POLA2: variants seen among roughly 807,000 people sequenced by gnomAD.
The protein encoded by POLA2 is DNA polymerase alpha subunit B.
POLA2 carries 47 observed loss-of-function variants against 82.8 expected under a neutral mutation model. That is an observed-to-expected ratio of 0.57 (90% confidence interval 0.45 to 0.72). POLA2 has a LOEUF of 0.72. Ranked by LOEUF, POLA2 falls within the 30% of genes least tolerant of loss-of-function variation. The probability of loss-of-function intolerance (pLI) is 0.00; values close to 1 mark genes in which losing one functional copy is unlikely to be tolerated. For missense variants in POLA2, 634 were observed against 728.1 expected (o/e 0.87, Z 1.49); for synonymous variants, 287 against 286.8 (o/e 1.00, Z -0.01).
At chr11:65,305,565 G>A (rs1433365048) in exon 9 of POLA2, 2 of 365,980 alleles carry the variant, frequency 5.5e-6, no homozygotes, top group South Asian at 2.0e-5. Context: ...TCCCAGCCAC[G>A]CAGGAGGCCA....
chr11:65,264,957 G>C (rs1373158972), intron 1 of POLA2, among the ~76,000 whole-genome samples: 2 of 152,218 alleles, frequency 1.3e-5, no homozygotes, highest in African/African-American at 4.8e-5. Context: ...TCGGCCGGGT[G>C]CGGTGGCTCA....
At chr11:65,280,687 G>A (rs1469101078) in intron 7 of POLA2, 1 of 359,258 alleles carries the variant, frequency 2.8e-6, no homozygotes, top group African/African-American at 2.1e-5. Flanking sequence ...GCTGCCCTGG[G>A]GTGGTGAGGA....
intron 9 of POLA2, 28 bp from the exon 10 acceptor site, chr11:65,282,451 C>G: frequency 6.2e-7 from 1 of 1,610,560 alleles, no homozygotes; most frequent in Non-Finnish European, 8.5e-7. Flanking sequence ...GGCGCAAGAC[C>G]TTACTTGAGC....
At chr11:65,288,668 G>A (rs748104804) in intron 11 of POLA2, among the ~76,000 whole-genome samples, 1 of 151,892 alleles carries the variant, frequency 6.6e-6, no homozygotes, top group South Asian at 2.1e-4. Flanking sequence ...ACAGGCACAC[G>A]CCACCATGCC....
chr11:65,279,509 A>C, intron 6 of POLA2, 29 bp from the exon 7 acceptor site: 1 of 1,434,288 alleles, frequency 7.0e-7, no homozygotes, highest in Non-Finnish European at 9.7e-7. Flanking sequence ...TCTTAAACAT[A>C]ATACTTTTTT....
chr11:65,275,911 T>A lies in POLA2; in HGVS notation c.374T>A (p.Ile125Asn). 1 of 1,607,372 alleles carries A rather than the reference T, an allele frequency of 6.2e-7. No individual in the cohort carries two copies. Among genetic ancestry groups the A allele is most frequent in the Non-Finnish European group, 8.5e-7 (1 of 1,176,430 alleles). Reference sequence around the variant, plus strand: ...CCCTAGGGTTCTCAGAAGCGAGCTATCTCTACCCCAGAAACCCCCCTAACA... The same window carrying A: ...CCCTAGGGTTCTCAGAAGCGAGCTAACTCTACCCCAGAAACCCCCCTAACA... ...TPSKGSQKRA[I>N]STPETPLTKR... is the part of the protein sequence containing the mutation. Residue 125 changes from isoleucine to asparagine, a missense_variant, in exon 5 of 18, where the codon ATC becomes AAC. Coordinates refer to ENST00000265465, the MANE Select transcript of POLA2 (RefSeq NM_002689.4).
In POLA2 at chr11:65,276,004, G is replaced by T. The variant is rs1394195136; in HGVS notation, c.461+6G>T. The T allele has an allele frequency of 4.5e-6, 7 of 1,548,698 alleles. No individual in the cohort carries two copies. The South Asian group carries it at 4.7e-5, about 10-fold the overall frequency. On this transcript the variant is annotated splice_donor_region_variant and intron_variant, in intron 5 of 17. Coordinates refer to ENST00000265465, the MANE Select transcript of POLA2 (RefSeq NM_002689.4). ...CCGTCAAGTTTCTCTCCAAGGTATG[G>T]ATCATAATTCATTCAAGTGCCATAA...
chr11:65,274,219 G>A (rs1037377173), intron 4 of POLA2, among the ~76,000 whole-genome samples: 2 of 151,806 alleles, frequency 1.3e-5, no homozygotes, highest in African/African-American at 4.8e-5. Flanking sequence ...GGGCGTGGTG[G>A]TGCATGCCTG....
chr11:65,282,802 G>T (rs529494360), intron 10 of POLA2, among the ~76,000 whole-genome samples: 53 of 152,330 alleles, frequency 3.5e-4, no homozygotes, highest in African/African-American at 1.2e-3. Context: ...GCCTTGGAAA[G>T]GAAAAGATGT....
intron 4 of POLA2, among the ~76,000 whole-genome samples, chr11:65,274,948 C>T (rs1438165411): frequency 6.6e-6 from 1 of 152,156 alleles, no homozygotes; most frequent in African/African-American, 2.4e-5. Flanking sequence ...CCACCTTGAC[C>T]TCCCAGAGTG....
chr11:65,282,632 T>G (rs918297375), intron 10 of POLA2, 111 bp downstream of exon 10: 1 of 924,092 alleles, frequency 1.1e-6, no homozygotes, highest in Non-Finnish European at 1.8e-6. Context: ...AAGAGCAATG[T>G]GACCAAGCAG....
chr11:65,281,617 C>T, intron 8 of POLA2, 53 bp from the exon 9 acceptor site: 2 of 1,245,632 alleles, frequency 1.6e-6, no homozygotes, highest in African/African-American at 2.9e-5. Flanking sequence ...TAATGTATTC[C>T]AGACCTCATT....
chr11:65,275,948 G>A lies in POLA2; in HGVS notation c.411G>A (p.Val137=). ...TPETPLTKRS[V]STRSPHQLLS... ...AAACCCCCCTAACAAAAAGGAGTGT[G>A]TCAACTCGTAGCCCCCATCAGCTAC... is the stretch of plus-strand genomic sequence containing the variant. The change falls in exon 5 of 18, where the codon GTG becomes GTA. Residue 137 remains valine, a synonymous_variant. Transcript: ENST00000265465. The A allele has an allele frequency of 6.2e-7, 1 of 1,609,332 alleles. No individual in the cohort carries two copies. The highest frequency in any genetic ancestry group is 8.5e-7 in the Non-Finnish European group (1 of 1,177,998).
At chr11:65,280,181 A>G (rs1213882168) in intron 7 of POLA2, among the ~76,000 whole-genome samples, 1 of 152,242 alleles carries the variant, frequency 6.6e-6, no homozygotes, top group African/African-American at 2.4e-5. Flanking sequence ...ACATTCAAAG[A>G]ATGATCAGTT....
In POLA2 at chr11:65,295,809, T is replaced by G. The variant is rs149422507; in HGVS notation, c.1521-55T>G. 3.2e-4 allele frequency: 503 copies of G among 1,587,506 alleles called. 5 individuals carry two copies. In the African/African-American group the frequency reaches 5.7e-3, roughly 18 times the overall value. On this transcript the variant is annotated intron_variant, in intron 16 of 17. Coordinates refer to ENST00000265465, the MANE Select transcript of POLA2 (RefSeq NM_002689.4). The stretch of plus-strand genomic sequence containing the variant: ...AGCCAGTACCTAGGGGGACTCTGTC[T>G]GAGAAGGGGGCCCCCCGGTCAGCTA...
At chr11:65,290,429 C>T (rs191969045) in intron 13 of POLA2, among the ~76,000 whole-genome samples, 165 of 148,534 alleles carry the variant, frequency 1.1e-3, no homozygotes, top group Admixed American at 1.7e-3. Context: ...CCAACTACTG[C>T]GGAGGCTGAG....
At position 65,297,885 on chromosome 11, in the gene POLA2, T is replaced by A. The variant is rs1040716607; in HGVS notation, c.*616T>A. 2.6e-5 allele frequency: 4 copies of A among 152,366 alleles called. No homozygotes were observed. The highest frequency in any genetic ancestry group is 3.9e-4 in the East Asian group (2 of 5,172). The allele number at this position is 152,366 out of a possible 1,614,324, so 9.4% of individuals were successfully genotyped here. A position where few individuals can be genotyped will look rare whatever the true frequency, so the allele number is the denominator to read the frequency against. On this transcript the variant is annotated 3_prime_UTR_variant, in exon 18 of 18. Transcript: ENST00000265465. Reference sequence around the variant, plus strand: ...CAGGATGGTCTCGATCTCCTGACCTTGTGATCTGTCCGCCTCAGCCTCCCA... The same window carrying A: ...CAGGATGGTCTCGATCTCCTGACCTAGTGATCTGTCCGCCTCAGCCTCCCA...
At chr11:65,294,080 C>T (rs1949783317) in intron 13 of POLA2, 73 bp from the exon 14 acceptor site, 10 of 1,301,634 alleles carry the variant, frequency 7.7e-6, no homozygotes, top group African/African-American at 1.5e-5. Flanking sequence ...AGGCATCCCA[C>T]CTGTTGCGCA....
rs866516497 is a variant in POLA2, at chr11:65,265,352, C to T, written c.80-1230C>T. Among the ~76,000 whole-genome samples, 4 of 152,308 alleles carry T rather than the reference C, an allele frequency of 2.6e-5. No homozygotes were observed. In the Middle Eastern group the frequency reaches 0.014, roughly 518 times the overall value. On this transcript the variant is annotated intron_variant, in intron 1 of 17. Transcript: ENST00000265465. ...TACTCAAGGTCACCAGTGACCTTCACCATGCTAAAACCAGTGATGAATTTT... is the reference window on the plus strand; with the variant it reads ...TACTCAAGGTCACCAGTGACCTTCATCATGCTAAAACCAGTGATGAATTTT...
Sources: gnomAD v4.1 joint callset for allele counts (sites outside exome capture counted in the v4.1 genomes callset) on GRCh38, gnomAD v4.1.1 for gene constraint, MANE v1.5 for transcripts, NCBI Gene and HGNC (gene_info 2026-07-23, HGNC 2026-07-21) for gene names.